USP47: variants seen among roughly 807,000 people sequenced by gnomAD.
USP47 encodes the protein ubiquitin specific peptidase 47.
A neutral mutation model predicts 165.1 loss-of-function variants in USP47; 35 were observed. The observed-to-expected ratio is 0.21, with a 90% CI of 0.16 to 0.28. The LOEUF is 0.28. Among genes scored for constraint, USP47 ranks in the 10% least tolerant of loss-of-function variants. The pLI is 1.00. For missense variants in USP47, 1,277 were observed against 1,607.4 expected (o/e 0.79, Z 3.52); for synonymous variants, 531 against 544.5 (o/e 0.98, Z 0.35).
intron 18 of USP47, among the ~76,000 whole-genome samples, chr11:11,939,520 A>G (rs1443637136): frequency 6.6e-6 from 1 of 152,092 alleles, no homozygotes; most frequent in African/African-American, 2.4e-5. Flanking sequence ...CAATTTTGCT[A>G]AAGTAATAAC....
intron 8 of USP47, among the ~76,000 whole-genome samples, chr11:11,919,257 T>A (rs555134144): frequency 2.4e-4 from 36 of 152,106 alleles, no homozygotes; most frequent in African/African-American, 6.3e-4. Context: ...GCTTGTCCTA[T>A]ATCAAAAGAA....
At chr11:11,892,818 T>TAAAA (rs778720093) in intron 4 of USP47, among the ~76,000 whole-genome samples, 16 of 80,086 alleles carry the variant, frequency 2.0e-4, no homozygotes, top group South Asian at 3.8e-4. Context: ...CTGTCTCAAG[T>TAAAA]AAAAAAAAAA....
Position 11,877,856 on chromosome 11 carries a change from T to C in USP47, c.40-2321T>C, listed in dbSNP as rs1222634061. Reference sequence around the variant, plus strand: ...GTGTGTGTGTGTGTGTGTGTGTGTGTGTGCGCGCGCGCAGATAAGATATTT... The same window carrying C: ...GTGTGTGTGTGTGTGTGTGTGTGTGCGTGCGCGCGCGCAGATAAGATATTT... On this transcript the variant is annotated intron_variant, in intron 1 of 27. Transcript: ENST00000527733. Among the ~76,000 whole-genome samples, 39 of 74,362 alleles carry C rather than the reference T, an allele frequency of 5.2e-4. 1 individual carries two copies. The highest frequency in any genetic ancestry group is 2.8e-3 in the South Asian group (6 of 2,172). 48.8% of individuals were successfully genotyped at this position (74,362 alleles called of 152,430 possible).
At chr11:11,952,909 T>C (rs1856316091) in intron 25 of USP47, 38 bp downstream of exon 25, 1 of 1,415,366 alleles carries the variant, frequency 7.1e-7, no homozygotes, top group South Asian at 1.7e-5. Flanking sequence ...TCTTATGTTG[T>C]ATATGTATAT....
At position 11,936,354 on chromosome 11, in the gene USP47, TATG is replaced by T; in HGVS notation, c.1926_1928del (p.Asp642del). 6.2e-7 allele frequency: 1 copy of T among 1,608,030 alleles called. No individual in the cohort carries two copies. The highest frequency in any genetic ancestry group is 8.5e-7 in the Non-Finnish European group (1 of 1,176,110). ...CCTGGATTGCTGTCGCCTTGTTAAA[TATG>T]ATGAGTTTCATGATTATCTAGAACG... On this transcript the variant is annotated inframe_deletion, in exon 17 of 28. Coordinates refer to ENST00000527733, the MANE Select transcript of USP47 (RefSeq NM_001282659.2).
intron 5 of USP47, among the ~76,000 whole-genome samples, chr11:11,900,154 C>CTTTTTTT (rs1042565841): frequency 4.0e-5 from 4 of 99,076 alleles, no homozygotes; most frequent in East Asian, 2.8e-4. Context: ...ATTTTCTTCA[C>CTTTTTTT]TTTTTTTTTT....
intron 4 of USP47, among the ~76,000 whole-genome samples, chr11:11,894,721 A>G (rs181815299): frequency 2.0e-5 from 3 of 152,180 alleles, no homozygotes; most frequent in African/African-American, 7.2e-5. Context: ...ACTAACTTCA[A>G]CTTCCTGTGG....
intron 1 of USP47, among the ~76,000 whole-genome samples, chr11:11,851,598 C>T (rs761295890): frequency 7.9e-5 from 12 of 152,164 alleles, no homozygotes; most frequent in Non-Finnish European, 1.5e-4. Context: ...AGAAATTAAC[C>T]TTAGTATAAT....
At chr11:11,887,823 G>GAAGTAA (rs1851261655) in intron 3 of USP47, among the ~76,000 whole-genome samples, 1 of 152,044 alleles carries the variant, frequency 6.6e-6, no homozygotes, top group Non-Finnish European at 1.5e-5. Context: ...CACATAATCA[G>GAAGTAA]AAGTAAAACA....
At position 11,957,426 on chromosome 11, in the gene USP47, T is replaced by C. The variant is rs977308392; in HGVS notation, c.*1251T>C. 1 of 152,648 alleles carries C rather than the reference T, an allele frequency of 6.6e-6. No homozygotes were observed. The highest frequency in any genetic ancestry group is 2.4e-5 in the African/African-American group (1 of 41,456). The allele number at this position is 152,648 out of a possible 1,614,324, so 9.5% of individuals were successfully genotyped here. A position where few individuals can be genotyped will look rare whatever the true frequency, so the allele number is the denominator to read the frequency against. ...AAATTTTGACATACCATCTAATTTATAAAAATCAATAAAAAAGGTTTTGGT... is the reference window on the plus strand; with the variant it reads ...AAATTTTGACATACCATCTAATTTACAAAAATCAATAAAAAAGGTTTTGGT... On this transcript the variant is annotated 3_prime_UTR_variant, in exon 28 of 28. Coordinates refer to ENST00000527733, the MANE Select transcript of USP47 (RefSeq NM_001282659.2).
At chr11:11,861,921 G>C (rs1010590739) in intron 1 of USP47, among the ~76,000 whole-genome samples, 2 of 151,820 alleles carry the variant, frequency 1.3e-5, no homozygotes, top group African/African-American at 4.8e-5. Flanking sequence ...TGAACAACAT[G>C]TGCTAAAACA....
chr11:11,929,495 A>AGCAT lies in USP47; in HGVS notation c.1448_1449insGCAT (p.His483GlnfsTer12). On this transcript the variant is annotated frameshift_variant, in exon 12 of 28. Transcript: ENST00000527733. LOFTEE classifies it high-confidence loss of function. ...CATTCTGGGAGCGCTGCTGGTGGTCATTATTATGCATGTATAAAGTCATTC... is the reference window on the plus strand; with the variant it reads ...CATTCTGGGAGCGCTGCTGGTGGTCAGCATTTATTATGCATGTATAAAGTCATTC... 1 of 1,613,304 alleles carries AGCAT rather than the reference A, an allele frequency of 6.2e-7. No individual in the cohort carries two copies. Among genetic ancestry groups the AGCAT allele is most frequent in the Non-Finnish European group, 8.5e-7 (1 of 1,179,450 alleles).
At chr11:11,900,227 C>A (rs948056191) in intron 5 of USP47, among the ~76,000 whole-genome samples, 1 of 141,414 alleles carries the variant, frequency 7.1e-6, no homozygotes, top group Non-Finnish European at 1.5e-5. Context: ...GGCGCGATCT[C>A]GGCTCACTGC....
intron 21 of USP47, 117 bp downstream of exon 21, chr11:11,948,237 G>T (rs1223073521): frequency 8.2e-7 from 1 of 1,216,328 alleles, no homozygotes; most frequent in African/African-American, 1.5e-5. Context: ...TTTTTTTAAT[G>T]ATTAATGGTA....
intron 1 of USP47, 118 bp downstream of exon 1, chr11:11,842,342 A>T: frequency 8.8e-7 from 1 of 1,142,736 alleles, no homozygotes; most frequent in Non-Finnish European, 1.2e-6. Context: ...TGGGGGAATG[A>T]GGAGGCGTGA....
In USP47 at chr11:11,943,130, A is replaced by G. The variant is rs755306119; in HGVS notation, c.3091+18A>G. ...ACATAAATGTATGTACTTCAAAAGA[A>G]AAACGGTCCTTGAAACAGCATCAGT... On this transcript the variant is annotated intron_variant, in intron 20 of 27. Transcript: ENST00000527733. 5 of 1,575,868 alleles carry G rather than the reference A, an allele frequency of 3.2e-6. No homozygotes were observed. The African/African-American group carries it at 5.5e-5, about 17-fold the overall frequency.
chr11:11,866,737 A>G (rs555162654), intron 1 of USP47, among the ~76,000 whole-genome samples: 2 of 152,260 alleles, frequency 1.3e-5, no homozygotes, highest in Admixed American at 6.5e-5. Flanking sequence ...TGTTTATAGC[A>G]TTCTGGGATA....
chr11:11,949,829 T>C (rs897915923), intron 22 of USP47, 60 bp from the exon 23 acceptor site: 25 of 1,130,108 alleles, frequency 2.2e-5, no homozygotes, highest in Non-Finnish European at 3.2e-5. Context: ...TTTTAATGTG[T>C]TAATATTAAT....
intron 19 of USP47, 109 bp from the exon 20 acceptor site, chr11:11,942,226 A>G: frequency 8.1e-7 from 1 of 1,229,090 alleles, no homozygotes; most frequent in Non-Finnish European, 1.1e-6. Flanking sequence ...ATCATCACAC[A>G]TGTTATAACA....
Sources: allele counts gnomAD v4.1 joint callset (sites outside exome capture counted in the v4.1 genomes callset), GRCh38; gene constraint gnomAD v4.1.1; transcripts MANE v1.5; gene names NCBI Gene and HGNC (gene_info 2026-07-23, HGNC 2026-07-21).